Variants in PDE5A observed in about 807,000 individuals in gnomAD.
PDE5A encodes phosphodiesterase 5A.
Under a neutral mutation model 110.2 loss-of-function variants are expected in PDE5A, and 67 were observed. That is an observed-to-expected ratio of 0.61 (90% CI 0.50 to 0.75). The LOEUF (loss-of-function observed/expected upper bound fraction) is 0.75, where lower values mean the gene tolerates loss of function less well. Ranked by LOEUF, PDE5A falls within the 30% of genes least tolerant of loss-of-function variation. The probability of loss-of-function intolerance (pLI) is 0.00; values close to 1 mark genes in which losing one functional copy is unlikely to be tolerated. For synonymous variants in PDE5A, 328 were observed against 351.2 expected, an observed-to-expected ratio of 0.93 and a Z score of 0.74; for missense variants, 862 against 1,045.1, an observed-to-expected ratio of 0.82 and a Z score of 2.42.
chr4:119,589,035 T>C (rs1014408066), intron 3 of PDE5A, among the ~76,000 whole-genome samples: 2 of 151,916 alleles, frequency 1.3e-5, no homozygotes, highest in African/African-American at 4.8e-5. Context: ...ATAACTGGAG[T>C]TGACATTCAA....
chr4:119,572,191 T>C (rs1728163748), intron 3 of PDE5A, among the ~76,000 whole-genome samples: 2 of 152,190 alleles, frequency 1.3e-5, no homozygotes, highest in Non-Finnish European at 2.9e-5. Flanking sequence ...TTAACCTAAT[T>C]TTCTTTACTC....
At chr4:119,552,050 T>C (rs1727374306) in intron 9 of PDE5A, 1 of 152,184 alleles carries the variant, frequency 6.6e-6, no homozygotes, top group Admixed American at 6.5e-5. Flanking sequence ...CATTCTTCCA[T>C]CATTCCTGAA....
intron 4 of PDE5A, 38 bp downstream of exon 4, chr4:119,567,035 T>C: frequency 7.0e-7 from 1 of 1,423,684 alleles, no homozygotes; most frequent in Non-Finnish European, 9.9e-7. Context: ...AGAAAGCATC[T>C]TCCTAAATTG....
At position 119,511,133 on chromosome 4, in the gene PDE5A, T is replaced by A. The variant is rs754842807; in HGVS notation, c.2002A>T (p.Ser668Cys). The A allele has an allele frequency of 1.2e-6, 2 of 1,600,672 alleles. No individual in the cohort carries two copies. Among genetic ancestry groups the A allele is most frequent in the Non-Finnish European group, 1.7e-6 (2 of 1,169,086 alleles). ...RGVNNSYIQR[S>C]EHPLAQLYCH... ...TAAAGCTGGGCAAGTGGATGTTCAC[T>A]TCTGAAAGTATTTTGTTGAAGAAAG... Residue 668 changes from serine (S) to cysteine (C), a missense_variant and splice_region_variant, in exon 15 of 21, where the codon AGT becomes TGT. Physicochemically the swap from Ser to Cys is moderately radical, Grantham distance 112 (BLOSUM62 -1). Transcript: ENST00000354960.
At chr4:119,606,550 AG>A (rs775613309) in intron 2 of PDE5A, among the ~76,000 whole-genome samples, 158 bp downstream of exon 2, 20 of 152,332 alleles carry the variant, frequency 1.3e-4, no homozygotes, top group Admixed American at 3.3e-4. Context: ...GAAAATTCTT[AG>A]CATACATTCC....
intron 8 of PDE5A, among the ~76,000 whole-genome samples, chr4:119,553,154 G>A (rs1037825862): frequency 2.0e-5 from 3 of 152,054 alleles, no homozygotes; most frequent in Non-Finnish European, 4.4e-5. Flanking sequence ...ATGCTTTCCT[G>A]AAGAGGTGAG....
chr4:119,522,346 G>A (rs1726157422), intron 12 of PDE5A, among the ~76,000 whole-genome samples: 1 of 151,994 alleles, frequency 6.6e-6, no homozygotes, highest in Admixed American at 6.6e-5. Context: ...TCTGAATAGA[G>A]TCTGTCAGGA....
chr4:119,596,265 G>A (rs1396657991), intron 3 of PDE5A, among the ~76,000 whole-genome samples: 8 of 151,838 alleles, frequency 5.3e-5, no homozygotes, highest in African/African-American at 1.2e-4. Flanking sequence ...ATAGAATAAC[G>A]CCTTCAGGAA....
intron 14 of PDE5A, among the ~76,000 whole-genome samples, chr4:119,511,908 T>C (rs900752999): frequency 2.6e-5 from 4 of 152,120 alleles, no homozygotes; most frequent in Admixed American, 6.6e-5. Context: ...ACCTCATGTT[T>C]CTCATGACCC....
At chr4:119,520,148 T>C (rs544649348) in intron 13 of PDE5A, among the ~76,000 whole-genome samples, 1 of 152,262 alleles carries the variant, frequency 6.6e-6, no homozygotes, top group South Asian at 2.1e-4. Context: ...CCTCACTTCT[T>C]TAATAACAAT....
chr4:119,535,024 C>T (rs748757922), intron 11 of PDE5A, among the ~76,000 whole-genome samples: 1 of 152,144 alleles, frequency 6.6e-6, no homozygotes, highest in African/African-American at 2.4e-5. Flanking sequence ...TAAAACCAAA[C>T]CCTGGTATAT....
chr4:119,620,896 C>A (rs932424249), intron 1 of PDE5A, among the ~76,000 whole-genome samples: 3 of 152,150 alleles, frequency 2.0e-5, no homozygotes, highest in African/African-American at 7.2e-5. Flanking sequence ...CATGATTGTT[C>A]AGAGAGACCC....
chr4:119,616,681 T>C (rs1729954447), intron 1 of PDE5A, among the ~76,000 whole-genome samples: 2 of 151,918 alleles, frequency 1.3e-5, no homozygotes, highest in Non-Finnish European at 2.9e-5. Flanking sequence ...AAGGCGAAAG[T>C]TGACAGACAT....
rs779979720 is a variant in PDE5A at position 119,553,607 on chromosome 4, C to G, written c.1308+31G>C. The G allele has an allele frequency of 6.6e-6, 7 of 1,065,054 alleles. No individual in the cohort carries two copies. In the East Asian group the frequency reaches 1.4e-4, roughly 22 times the overall value. 66.0% of individuals were successfully genotyped at this position (1,065,054 alleles called of 1,614,324 possible). On this transcript the variant is annotated intron_variant, in intron 8 of 20. Transcript: ENST00000354960. ...ACAGATGTGATGGGAAAACAGCCTTCTAGCTTCAAGTCTAAAATTGGGTTA... is the reference window on the plus strand; with the variant it reads ...ACAGATGTGATGGGAAAACAGCCTTGTAGCTTCAAGTCTAAAATTGGGTTA...
At chr4:119,593,822 C>T (rs1447388953) in intron 3 of PDE5A, among the ~76,000 whole-genome samples, 1 of 152,092 alleles carries the variant, frequency 6.6e-6, no homozygotes, top group Non-Finnish European at 1.5e-5. Flanking sequence ...CACACAGTTC[C>T]TCATTGCTGG....
chr4:119,572,130 A>C (rs1728159760), intron 3 of PDE5A, among the ~76,000 whole-genome samples: 1 of 152,190 alleles, frequency 6.6e-6, no homozygotes, highest in Non-Finnish European at 1.5e-5. Flanking sequence ...TACCCCTCTG[A>C]AACTCCATGT....
intron 11 of PDE5A, among the ~76,000 whole-genome samples, chr4:119,532,739 C>T (rs1319513772): frequency 6.6e-6 from 1 of 151,848 alleles, no homozygotes; most frequent in African/African-American, 2.4e-5. Context: ...TAGTGGATGC[C>T]TCATGAGAAA....
intron 1 of PDE5A, among the ~76,000 whole-genome samples, chr4:119,608,940 T>C (rs574352434): frequency 6.6e-6 from 1 of 152,102 alleles, no homozygotes; most frequent in East Asian, 1.9e-4. Flanking sequence ...GGCGGGCGGA[T>C]CATGAGGTCA....
chr4:119,617,072 A>G (rs906084034), intron 1 of PDE5A, among the ~76,000 whole-genome samples: 1 of 152,188 alleles, frequency 6.6e-6, no homozygotes, highest in Non-Finnish European at 1.5e-5. Context: ...AAATTGATTA[A>G]TAATATTCAT....
Sources: gnomAD v4.1 joint callset for allele counts (sites outside exome capture counted in the v4.1 genomes callset) on GRCh38, gnomAD v4.1.1 for gene constraint, MANE v1.5 for transcripts, NCBI Gene and HGNC (gene_info 2026-07-23, HGNC 2026-07-21) for gene names.